Variants in AMER3 observed in about 807,000 individuals in gnomAD.
The protein encoded by AMER3 is APC membrane recruitment protein 3, also known as family with sequence similarity 123C.
For missense variants in AMER3, 1,201 were observed against 1,139.4 expected (o/e 1.05, Z -0.78); for synonymous variants, 541 against 485.5 (o/e 1.11, Z -1.50).
In AMER3 at chr2:130,762,805, G is replaced by A. The variant is rs769333454; in HGVS notation, c.733G>A (p.Asp245Asn). Residue 245 changes from aspartate to asparagine, a missense_variant, in exon 2 of 2, where the codon GAC becomes AAC. Physicochemically the swap from Asp to Asn is conservative, Grantham distance 23. Coordinates refer to ENST00000321420, the MANE Select transcript of AMER3 (RefSeq NM_152698.3). The part of the protein sequence containing the change: ...CEDVASLQSF[D>N]SLTGCGEVFA... ...GGACGTGGCCTCACTCCAGAGCTTC[G>A]ACTCGCTCACGGGTTGTGGGGAGGT... 9.9e-6 allele frequency: 16 copies of A among 1,612,528 alleles called. No individual in the cohort carries two copies. Among genetic ancestry groups the A allele is most frequent in the South Asian group, 1.1e-5 (1 of 91,042 alleles).
chr2:130,762,161 C>T lies in AMER3; in HGVS notation c.89C>T (p.Ala30Val). Residue 30 changes from alanine to valine, a missense_variant, in exon 2 of 2, where the codon GCC becomes GTC. By Grantham distance (64) the Ala-to-Val change is moderately conservative. Transcript: ENST00000321420. ...KPPDPAAVAA[A>V]REGTGPWSVL... ...CCAGACCCAGCAGCCGTGGCTGCAG[C>T]CAGGGAGGGGACAGGCCCCTGGTCA... is the stretch of plus-strand genomic sequence containing the variant. 6.2e-7 allele frequency: 1 copy of T among 1,606,476 alleles called. No homozygotes were observed. The highest frequency in any genetic ancestry group is 8.5e-7 in the Non-Finnish European group (1 of 1,176,718).
chr2:130,765,562 T>C lies in AMER3; in HGVS notation c.*904T>C, dbSNP rs1193396022. Reference sequence around the variant, plus strand: ...TACATCTCTTCATTTATTGAGGAAGTTTTGACGTTTTTATACACACGCACA... The same window carrying C: ...TACATCTCTTCATTTATTGAGGAAGCTTTGACGTTTTTATACACACGCACA... On this transcript the variant is annotated 3_prime_UTR_variant, in exon 2 of 2. Coordinates refer to ENST00000321420, the MANE Select transcript of AMER3 (RefSeq NM_152698.3). 1.2e-5 allele frequency: 2 copies of C among 166,926 alleles called. No individual in the cohort carries two copies. The highest frequency in any genetic ancestry group is 2.9e-5 in the Non-Finnish European group (2 of 68,114). 10.3% of individuals were successfully genotyped at this position (166,926 alleles called of 1,614,324 possible). A position where few individuals can be genotyped will look rare whatever the true frequency, so the allele number is the denominator to read the frequency against.
At chr2:130,756,324 C>G (rs1002004670) in intron 1 of AMER3, 8 of 150,596 alleles carry the variant, frequency 5.3e-5, no homozygotes, top group Admixed American at 6.6e-5. Flanking sequence ...GGCTCGCGCT[C>G]CGACGCGGTG....
Position 130,764,129 on chromosome 2 carries a change from G to A in AMER3, c.2057G>A (p.Ser686Asn). 6.2e-7 allele frequency: 1 copy of A among 1,611,940 alleles called. No homozygotes were observed. The highest frequency in any genetic ancestry group is 1.1e-5 in the South Asian group (1 of 90,834). Residue 686 changes from serine to asparagine, a missense_variant, in exon 2 of 2, where the codon AGC becomes AAC. Transcript: ENST00000321420. ...GCCCGTGTGGCAGCCCTGAAGATCAGCTCAAACGAACAGCCCCCGGCCGCA... is the reference window on the plus strand; with the variant it reads ...GCCCGTGTGGCAGCCCTGAAGATCAACTCAAACGAACAGCCCCCGGCCGCA... Reference protein sequence around the residue: ...CVARVAALKISSNEQPPAAWP... With the variant: ...CVARVAALKINSNEQPPAAWP...
intron 1 of AMER3, among the ~76,000 whole-genome samples, chr2:130,757,805 G>A (rs1372891092): frequency 6.6e-6 from 1 of 152,174 alleles, no homozygotes; most frequent in African/African-American, 2.4e-5. Flanking sequence ...GAAAGACTCA[G>A]CCCAGGGTCC....
Position 130,764,777 on chromosome 2 carries a change from G to A in AMER3, c.*119G>A, listed in dbSNP as rs1336576192. 3 of 1,225,070 alleles carry A rather than the reference G, an allele frequency of 2.4e-6. No homozygotes were observed. Among genetic ancestry groups the A allele is most frequent in the Admixed American group, 5.7e-5 (2 of 35,010 alleles). The allele number at this position is 1,225,070 out of a possible 1,614,324, so 75.9% of individuals were successfully genotyped here. On this transcript the variant is annotated 3_prime_UTR_variant, in exon 2 of 2. Coordinates refer to ENST00000321420, the MANE Select transcript of AMER3 (RefSeq NM_152698.3). ...GGGACTGTGTTGGGGGTGGGGGGTG[G>A]CAGGACTCAGGCATGCAGAGGGTAG...
At chr2:130,757,163 A>G (rs1237835823) in intron 1 of AMER3, among the ~76,000 whole-genome samples, 1 of 152,248 alleles carries the variant, frequency 6.6e-6, no homozygotes. Context: ...GGAAAAAAAA[A>G]GCCACGGAAT....
rs1417059684 is a variant in AMER3 at position 130,762,855 on chromosome 2, ATC to A, written c.787_788del (p.Leu263GlyfsTer39). 1 of 1,613,288 alleles carries A rather than the reference ATC, an allele frequency of 6.2e-7. No individual in the cohort carries two copies. Among genetic ancestry groups the A allele is most frequent in the African/African-American group, 1.3e-5 (1 of 74,910 alleles). ...TGTTCGCAGATGAGAGCTCGGTGCC[ATC>A]TCTGGAGCTGAACGAGGGCCCGGAG... is the stretch of plus-strand genomic sequence containing the variant. ...EVFADESSVP[S>X]LELNEGPESP... On this transcript the variant is annotated frameshift_variant, in exon 2 of 2. Transcript: ENST00000321420. LOFTEE classifies it low-confidence loss of function (END_TRUNC).
chr2:130,763,286 C>A lies in AMER3; in HGVS notation c.1214C>A (p.Pro405Gln). Residue 405 changes from proline to glutamine, a missense_variant, in exon 2 of 2, where the codon CCA becomes CAA. Pro to Gln is a moderately conservative substitution (Grantham distance 76, BLOSUM62 -1). Transcript: ENST00000321420. ...LEEDKKEAES[P>Q]GTPAATFPRD... is the part of the protein sequence containing the mutation. The stretch of plus-strand genomic sequence containing the variant: ...GAGGACAAGAAGGAAGCTGAGAGCC[C>A]AGGCACTCCTGCCGCCACCTTCCCA... 1 of 1,613,790 alleles carries A rather than the reference C, an allele frequency of 6.2e-7. No individual in the cohort carries two copies. The highest frequency in any genetic ancestry group is 8.5e-7 in the Non-Finnish European group (1 of 1,180,034).
In AMER3 at chr2:130,766,881, C is replaced by T. The variant is rs1480787740; in HGVS notation, c.*2223C>T. 1.2e-5 allele frequency: 2 copies of T among 167,066 alleles called. No individual in the cohort carries two copies. The highest frequency in any genetic ancestry group is 2.4e-5 in the African/African-American group (1 of 41,448). 10.3% of individuals were successfully genotyped at this position (167,066 alleles called of 1,614,324 possible). A position where few individuals can be genotyped will look rare whatever the true frequency, so the allele number is the denominator to read the frequency against. ...CAGTGCTAGATTATTTGTCACGAAT[C>T]ATCCCCTACAAACAATGATTTCCCT... On this transcript the variant is annotated 3_prime_UTR_variant, in exon 2 of 2. Transcript: ENST00000321420.
chr2:130,760,882 C>T (rs535431758), intron 1 of AMER3, among the ~76,000 whole-genome samples: 2 of 152,274 alleles, frequency 1.3e-5, no homozygotes, highest in South Asian at 4.2e-4. Flanking sequence ...CCTCCTCGAG[C>T]TGTCCCACGC....
intron 1 of AMER3, among the ~76,000 whole-genome samples, chr2:130,760,825 A>G (rs916893185): frequency 5.9e-5 from 9 of 152,090 alleles, no homozygotes; most frequent in African/African-American, 2.2e-4. Context: ...ACTAAACCCT[A>G]GCTCTTCTTT....
Position 130,764,714 on chromosome 2 carries a change from G to C in AMER3, c.*56G>C, listed in dbSNP as rs1412689008. On this transcript the variant is annotated 3_prime_UTR_variant, in exon 2 of 2. Coordinates refer to ENST00000321420, the MANE Select transcript of AMER3 (RefSeq NM_152698.3). Reference sequence around the variant, plus strand: ...TGTCTTCATGACCACTTTCAGGAGAGCCTAGGACTCAAATCTCTATCTTTT... The same window carrying C: ...TGTCTTCATGACCACTTTCAGGAGACCCTAGGACTCAAATCTCTATCTTTT... The C allele has an allele frequency of 6.7e-7, 1 of 1,487,220 alleles. No homozygotes were observed. The highest frequency in any genetic ancestry group is 9.0e-7 in the Non-Finnish European group (1 of 1,116,944). 92.1% of individuals were successfully genotyped at this position (1,487,220 alleles called of 1,614,324 possible).
chr2:130,758,639 G>A (rs1480733432), intron 1 of AMER3, among the ~76,000 whole-genome samples: 1 of 152,238 alleles, frequency 6.6e-6, no homozygotes, highest in East Asian at 1.9e-4. Flanking sequence ...GGACCTTAAA[G>A]AATTTTCAAT....
chr2:130,761,140 T>G (rs1461603576), intron 1 of AMER3, among the ~76,000 whole-genome samples: 1 of 152,158 alleles, frequency 6.6e-6, no homozygotes, highest in African/African-American at 2.4e-5. Context: ...TTCATTAAAG[T>G]CCCTGCTCCT....
At position 130,763,694 on chromosome 2, in the gene AMER3, C is replaced by T. The variant is rs775633259; in HGVS notation, c.1622C>T (p.Thr541Ile). ...TCCCAGGGAGCCCCTAGGGCACCCA[C>T]AGAGAAGCTGGGGGGCAGGGAGGGC... ...PGSQGAPRAP[T>I]EKLGGREGLA... is the part of the protein sequence containing the mutation. Residue 541 changes from threonine (T) to isoleucine (I), a missense_variant, in exon 2 of 2, where the codon ACA becomes ATA. Coordinates refer to ENST00000321420, the MANE Select transcript of AMER3 (RefSeq NM_152698.3). The T allele has an allele frequency of 3.2e-6, 5 of 1,545,182 alleles. No individual in the cohort carries two copies. The highest frequency in any genetic ancestry group is 1.7e-6 in the Non-Finnish European group (2 of 1,149,610).
rs2104778878 is a variant in AMER3, at chr2:130,762,249, C to T, written c.177C>T (p.Ala59=). The T allele has an allele frequency of 6.3e-7, 1 of 1,578,230 alleles. No homozygotes were observed. The highest frequency in any genetic ancestry group is 8.6e-7 in the Non-Finnish European group (1 of 1,163,062). The change falls in exon 2 of 2, where the codon GCC becomes GCT. Residue 59 remains alanine (A), a synonymous_variant. Coordinates refer to ENST00000321420, the MANE Select transcript of AMER3 (RefSeq NM_152698.3). ...AGGGCCCCCAAGCCAGCCCCAGTGC[C>T]CAAGAATACGACAGATGCCCCAACA... ...SEKGPQASPS[A]QEYDRCPNKG... is the part of the protein sequence containing the mutation.
chr2:130,759,892 T>C (rs1446016641), intron 1 of AMER3, among the ~76,000 whole-genome samples: 1 of 152,238 alleles, frequency 6.6e-6, no homozygotes, highest in Non-Finnish European at 1.5e-5. Flanking sequence ...TGGGCCAAGC[T>C]GTCTGCCTGG....
At chr2:130,758,737 G>A (rs750266906) in intron 1 of AMER3, among the ~76,000 whole-genome samples, 3 of 152,204 alleles carry the variant, frequency 2.0e-5, no homozygotes, top group South Asian at 2.1e-4. Context: ...GGGTAGGGAC[G>A]GGTCTGAACC....
Sources: allele counts gnomAD v4.1 joint callset (sites outside exome capture counted in the v4.1 genomes callset), GRCh38; gene constraint gnomAD v4.1.1; transcripts MANE v1.5; gene names NCBI Gene and HGNC (gene_info 2026-07-23, HGNC 2026-07-21).